ARHGAP42: variants seen among roughly 807,000 people sequenced by gnomAD.
ARHGAP42 encodes the protein rho GTPase-activating protein 42.
ARHGAP42 carries 63 observed loss-of-function variants against 125.0 expected under a neutral mutation model. The observed-to-expected ratio is 0.50, with a 90% confidence interval of 0.41 to 0.62. The LOEUF (loss-of-function observed/expected upper bound fraction) is 0.62. Ranked by LOEUF, ARHGAP42 falls within the 20% of genes least tolerant of loss-of-function variation. The pLI is 0.00. For synonymous variants in ARHGAP42, 339 were observed against 351.0 expected (o/e 0.97, Z 0.38); for missense variants, 766 against 1,024.2 (o/e 0.75, Z 3.44).
Position 100,992,912 on chromosome 11 carries a change from C to T in ARHGAP42, c.*4111C>T. The T allele has an allele frequency of 1.9e-6, 1 of 527,520 alleles. No individual in the cohort carries two copies. The highest frequency in any genetic ancestry group is 3.3e-6 in the Non-Finnish European group (1 of 299,612). The allele number at this position is 527,520 out of a possible 1,614,324, so 32.7% of individuals were successfully genotyped here. A position where few individuals can be genotyped will look rare whatever the true frequency, so the allele number is the denominator to read the frequency against. ...CCCATCATTCCTTTTCCCCTTGGCA[C>T]TCATGAGAGAGATGCCAAGTTCAGT... On this transcript the variant is annotated 3_prime_UTR_variant, in exon 24 of 24. Coordinates refer to ENST00000298815, the MANE Select transcript of ARHGAP42 (RefSeq NM_152432.4).
At chr11:100,932,332 T>C (rs1014170274) in intron 6 of ARHGAP42, among the ~76,000 whole-genome samples, 64 of 152,312 alleles carry the variant, frequency 4.2e-4, no homozygotes, top group African/African-American at 1.5e-3. Flanking sequence ...CTAACTTTAT[T>C]GCAGGAAGAG....
chr11:100,938,115 G>A (rs959099953), intron 8 of ARHGAP42, among the ~76,000 whole-genome samples: 9 of 151,292 alleles, frequency 5.9e-5, no homozygotes, highest in African/African-American at 2.2e-4. Flanking sequence ...CATAAGTCAA[G>A]GCAATCCATC....
intron 3 of ARHGAP42, among the ~76,000 whole-genome samples, chr11:100,851,811 A>T (rs145383345): frequency 5.3e-4 from 80 of 152,304 alleles, no homozygotes; most frequent in African/African-American, 1.7e-3. Context: ...GTAAAAAGTT[A>T]ACCACTGGCA....
rs1021334829 is a variant in ARHGAP42, at chr11:100,961,890, A to G, written c.1385+122A>G. 2.6e-5 allele frequency: 17 copies of G among 662,646 alleles called. No individual in the cohort carries two copies. In the African/African-American group the frequency reaches 3.1e-4, roughly 12 times the overall value. 41.0% of individuals were successfully genotyped at this position (662,646 alleles called of 1,614,324 possible). On this transcript the variant is annotated intron_variant, in intron 15 of 23. Coordinates refer to ENST00000298815, the MANE Select transcript of ARHGAP42 (RefSeq NM_152432.4). ...TCACTCAGTAGCTCAGTTCCCTTAC[A>G]TAAGGTGAAATAGCATGACATGGTA...
chr11:100,717,360 G>A (rs1490002397), intron 1 of ARHGAP42, among the ~76,000 whole-genome samples: 2 of 152,206 alleles, frequency 1.3e-5, no homozygotes, highest in South Asian at 2.1e-4. Context: ...TATATAGGCC[G>A]GGCGCGGTGG....
chr11:100,786,476 C>A (rs1488386400), intron 2 of ARHGAP42, among the ~76,000 whole-genome samples: 10 of 152,132 alleles, frequency 6.6e-5, no homozygotes. Flanking sequence ...TTGCATGTAT[C>A]TATTTGCCAA....
intron 4 of ARHGAP42, among the ~76,000 whole-genome samples, chr11:100,900,154 C>T (rs985840847): frequency 6.6e-6 from 1 of 152,010 alleles, no homozygotes; most frequent in Non-Finnish European, 1.5e-5. Context: ...TTTCTTTCTC[C>T]TTCACTTATG....
chr11:100,754,167 A>G (rs1862522854), intron 1 of ARHGAP42, among the ~76,000 whole-genome samples: 1 of 151,810 alleles, frequency 6.6e-6, no homozygotes, highest in Non-Finnish European at 1.5e-5. Context: ...GGGAGATGTT[A>G]AAAAAAAATC....
intron 2 of ARHGAP42, among the ~76,000 whole-genome samples, chr11:100,783,655 G>A (rs919240794): frequency 2.0e-5 from 3 of 152,158 alleles, no homozygotes; most frequent in African/African-American, 4.8e-5. Flanking sequence ...TTCACAGCCT[G>A]ATAATAAATT....
chr11:100,801,083 A>T (rs1372811169), intron 3 of ARHGAP42, among the ~76,000 whole-genome samples: 1 of 152,188 alleles, frequency 6.6e-6, no homozygotes, highest in African/African-American at 2.4e-5. Context: ...TCCAGAGAGC[A>T]TTTCCTTTGA....
intron 3 of ARHGAP42, among the ~76,000 whole-genome samples, chr11:100,843,963 G>A (rs1865003670): frequency 6.6e-6 from 1 of 151,882 alleles, no homozygotes; most frequent in Admixed American, 6.6e-5. Flanking sequence ...AATTCATATG[G>A]AACCAAAAAA....
rs1591329491 is a variant in ARHGAP42, at chr11:100,968,934, TTGTTTTTTTG to T, written c.1550+3162_1550+3171del. Among the ~76,000 whole-genome samples the T allele has an allele frequency of 8.8e-5, 3 of 34,080 alleles. No homozygotes were observed. In the East Asian group the frequency reaches 0.068, roughly 775 times the overall value. The allele number at this position is 34,080 out of a possible 152,430, so 22.4% of individuals were successfully genotyped here. On this transcript the variant is annotated intron_variant, in intron 17 of 23. Coordinates refer to ENST00000298815, the MANE Select transcript of ARHGAP42 (RefSeq NM_152432.4). ...ATAATTACCTACACTGGGTGTTTTT[TTGTTTTTTTG>T]TGTGTGTTTGTTTGTTTTTACATGT... is the stretch of plus-strand genomic sequence containing the variant.
chr11:100,898,132 A>T (rs1469730012), intron 4 of ARHGAP42, among the ~76,000 whole-genome samples: 1 of 152,056 alleles, frequency 6.6e-6, no homozygotes. Context: ...TGTTTATGTG[A>T]TGGATTACGT....
At chr11:100,726,870 G>A (rs999103044) in intron 1 of ARHGAP42, among the ~76,000 whole-genome samples, 2 of 152,154 alleles carry the variant, frequency 1.3e-5, no homozygotes, top group Admixed American at 6.5e-5. Flanking sequence ...ATAGCAGTGG[G>A]GCTTCATTTG....
At chr11:100,916,616 T>G (rs1867072956) in intron 5 of ARHGAP42, among the ~76,000 whole-genome samples, 1 of 152,198 alleles carries the variant, frequency 6.6e-6, no homozygotes, top group South Asian at 2.1e-4. Context: ...GGCACACTTT[T>G]GTTCTCCTGG....
At chr11:100,787,001 G>A (rs939121655) in intron 2 of ARHGAP42, among the ~76,000 whole-genome samples, 1 of 152,022 alleles carries the variant, frequency 6.6e-6, no homozygotes, top group South Asian at 2.1e-4. Context: ...AGTTTCGCTG[G>A]GTGTGGTGGC....
intron 4 of ARHGAP42, among the ~76,000 whole-genome samples, chr11:100,869,405 C>CTT (rs59868766): frequency 1.1e-4 from 16 of 146,976 alleles, no homozygotes; most frequent in Non-Finnish European, 2.0e-4. Context: ...AATCTTTCCT[C>CTT]TTTTTTTTTT....
chr11:100,808,395 CTTTTTT>C (rs398045483), intron 3 of ARHGAP42, among the ~76,000 whole-genome samples: 1 of 118,778 alleles, frequency 8.4e-6, no homozygotes, highest in African/African-American at 3.3e-5. Flanking sequence ...TAAATTCACT[CTTTTTT>C]TTTTTTTTTT....
chr11:100,903,128 C>T (rs1390838334), intron 4 of ARHGAP42, among the ~76,000 whole-genome samples: 1 of 151,072 alleles, frequency 6.6e-6, no homozygotes, highest in Admixed American at 6.6e-5. Context: ...CACACACACA[C>T]ACACACACAC....
Sources: allele counts gnomAD v4.1 joint callset (sites outside exome capture counted in the v4.1 genomes callset), GRCh38; gene constraint gnomAD v4.1.1; transcripts MANE v1.5; gene names NCBI Gene and HGNC (gene_info 2026-07-23, HGNC 2026-07-21).